The following DDC variants were observed in gnomAD, a reference collection of about 807,000 sequenced individuals.
DDC encodes the protein dopa decarboxylase.
DDC carries 43 observed loss-of-function variants against 60.0 expected under a neutral mutation model. That is an observed-to-expected ratio of 0.72 (90% CI 0.56 to 0.92). The LOEUF (loss-of-function observed/expected upper bound fraction) is 0.92. Ranked by LOEUF, DDC falls within the 40% of genes least tolerant of loss-of-function variation. The pLI is 0.00. For synonymous variants in DDC, 232 were observed against 234.6 expected, an observed-to-expected ratio of 0.99 and a Z score of 0.10; for missense variants, 573 against 620.2, an observed-to-expected ratio of 0.92 and a Z score of 0.81.
chr7:50,562,765 G>T (rs552137847), intron 1 of DDC, among the ~76,000 whole-genome samples: 1 of 152,358 alleles, frequency 6.6e-6, no homozygotes, highest in Admixed American at 6.5e-5. Flanking sequence ...ACACCAGGGG[G>T]ACACAGGTAT....
At chr7:50,506,267 A>G (rs2043392783) in intron 6 of DDC, among the ~76,000 whole-genome samples, 1 of 152,116 alleles carries the variant, frequency 6.6e-6, no homozygotes, top group African/African-American at 2.4e-5. Flanking sequence ...CTGGGGTAGG[A>G]GCTCTGTACT....
At chr7:50,505,710 G>T (rs2043375085) in intron 6 of DDC, among the ~76,000 whole-genome samples, 1 of 152,262 alleles carries the variant, frequency 6.6e-6, no homozygotes, top group Non-Finnish European at 1.5e-5. Context: ...CTCAGACAGA[G>T]CGATGCCTGC....
chr7:50,519,208 G>T (rs1169432809), intron 6 of DDC, among the ~76,000 whole-genome samples: 3 of 152,152 alleles, frequency 2.0e-5, no homozygotes, highest in Non-Finnish European at 4.4e-5. Context: ...CCTTACTCCT[G>T]CAAGAATAGC....
intron 1 of DDC, chr7:50,564,419 CCCT>C (rs2153555150): frequency 6.6e-6 from 1 of 152,358 alleles, no homozygotes; most frequent in East Asian, 1.9e-4. Context: ...CATCCTCCTC[CCCT>C]CCTCTGGCTG....
chr7:50,464,510 A>C (rs890225188), intron 13 of DDC, among the ~76,000 whole-genome samples: 1 of 152,232 alleles, frequency 6.6e-6, no homozygotes, highest in African/African-American at 2.4e-5. Flanking sequence ...ATACCAAGGG[A>C]ATGGAATTTT....
chr7:50,505,614 G>C (rs1296245712), intron 6 of DDC, among the ~76,000 whole-genome samples: 1 of 152,234 alleles, frequency 6.6e-6, no homozygotes, highest in African/African-American at 2.4e-5. Flanking sequence ...TTCATGCCCA[G>C]GTAGCACAGA....
chr7:50,511,037 A>G (rs1019428434), intron 6 of DDC, among the ~76,000 whole-genome samples: 19 of 117,124 alleles, frequency 1.6e-4, no homozygotes, highest in Admixed American at 1.4e-3. Context: ...TTGCTAGGAT[A>G]TTAGGATATA....
At position 50,528,296 on chromosome 7, in the gene DDC, C is replaced by A; in HGVS notation, c.571-16G>T. 6.2e-7 allele frequency: 1 copy of A among 1,613,870 alleles called. No homozygotes were observed. The highest frequency in any genetic ancestry group is 8.5e-7 in the Non-Finnish European group (1 of 1,179,904). ...AGGAGTGTGCCTGGAAAGAAGACAG[C>A]AGAGTTGGATTTGTACAGGTGTGTG... is the stretch of plus-strand genomic sequence containing the variant. On this transcript the variant is annotated splice_polypyrimidine_tract_variant and intron_variant, in intron 5 of 14. Coordinates refer to ENST00000444124, the MANE Select transcript of DDC (RefSeq NM_001082971.2).
chr7:50,477,618 A>G (rs1481640803), intron 10 of DDC: 1 of 449,642 alleles, frequency 2.2e-6, no homozygotes, highest in Non-Finnish European at 4.5e-6. Context: ...ACCACTTGGT[A>G]TCATTCCCTA....
At chr7:50,506,298 G>C (rs555251372) in intron 6 of DDC, among the ~76,000 whole-genome samples, 31 of 152,258 alleles carry the variant, frequency 2.0e-4, no homozygotes, top group African/African-American at 7.2e-4. Flanking sequence ...CATTTCAAAG[G>C]TGAATTTGCT....
chr7:50,476,780 G>T (rs768843007), intron 10 of DDC, 137 bp from the exon 11 acceptor site: 2 of 774,336 alleles, frequency 2.6e-6, no homozygotes, highest in African/African-American at 3.4e-5. Flanking sequence ...GCTGGGTCTG[G>T]GTGTTCTTTG....
intron 4 of DDC, among the ~76,000 whole-genome samples, chr7:50,534,834 T>C (rs1401150593): frequency 2.0e-5 from 3 of 152,140 alleles, no homozygotes; most frequent in Non-Finnish European, 4.4e-5. Flanking sequence ...CCCTGGAGAA[T>C]CAGGACTGAT....
intron 9 of DDC, among the ~76,000 whole-genome samples, chr7:50,482,361 T>C (rs1216762722): frequency 6.6e-6 from 1 of 152,256 alleles, no homozygotes; most frequent in African/African-American, 2.4e-5. Context: ...GAATTTTTTG[T>C]TCATTTTTCT....
chr7:50,475,921 C>T (rs939386103), intron 11 of DDC, among the ~76,000 whole-genome samples: 2 of 152,064 alleles, frequency 1.3e-5, no homozygotes, highest in Non-Finnish European at 2.9e-5. Context: ...AAGACCTGAC[C>T]TCAGATGATC....
chr7:50,527,890 C>A (rs11575347), intron 6 of DDC: 1 of 409,844 alleles, frequency 2.4e-6, no homozygotes, highest in Non-Finnish European at 4.5e-6. Flanking sequence ...AGGTAAAAAG[C>A]GTTTCTCAAA....
intron 1 of DDC, among the ~76,000 whole-genome samples, chr7:50,563,634 C>T (rs2045383549): frequency 6.6e-6 from 1 of 152,126 alleles, no homozygotes; most frequent in African/African-American, 2.4e-5. Flanking sequence ...CAGAGTCTCA[C>T]TCTGTCACCC....
intron 7 of DDC, among the ~76,000 whole-genome samples, chr7:50,499,753 T>A (rs922639945): frequency 6.6e-6 from 1 of 152,184 alleles, no homozygotes; most frequent in Admixed American, 6.5e-5. Flanking sequence ...CATCCCCTGC[T>A]TTCTTCATGA....
Position 50,502,415 on chromosome 7 carries a change from G to A in DDC, c.781+1578C>T, listed in dbSNP as rs1033837437. ...TGGGCTCTATCCAGCAGAAGACCTC[G>A]GCCCTTTAAATCCGATAGCCCTAGG... On this transcript the variant is annotated intron_variant, in intron 7 of 14. Transcript: ENST00000444124. 6.6e-5 allele frequency among the ~76,000 whole-genome samples: 10 copies of A among 152,100 alleles called. 1 individual carries two copies. Among genetic ancestry groups the A allele is most frequent in the African/African-American group, 2.2e-4 (9 of 41,412 alleles).
intron 13 of DDC, 43 bp from the exon 14 acceptor site, chr7:50,463,474 G>C: frequency 6.4e-7 from 1 of 1,557,282 alleles, no homozygotes; most frequent in South Asian, 1.1e-5. Flanking sequence ...GGTCTCTGAG[G>C]ACTCAAAAAT....
Sources: allele counts gnomAD v4.1 joint callset (sites outside exome capture counted in the v4.1 genomes callset), GRCh38; gene constraint gnomAD v4.1.1; transcripts MANE v1.5; gene names NCBI Gene and HGNC (gene_info 2026-07-23, HGNC 2026-07-21).